The following TRMT11 variants were observed in gnomAD, a reference collection of about 807,000 sequenced individuals.
TRMT11 encodes tRNA methyltransferase 11.
TRMT11 carries 53 observed loss-of-function variants against 62.8 expected under a neutral mutation model. That is an observed-to-expected ratio of 0.84 (90% CI 0.68 to 1.06). The LOEUF is 1.06. Among genes scored for constraint, TRMT11 ranks in the 50% least tolerant of loss-of-function variants. The probability of loss-of-function intolerance (pLI) is 0.00; values close to 1 mark genes in which losing one functional copy is unlikely to be tolerated. For missense variants in TRMT11, 556 were observed against 553.4 expected (o/e 1.00, Z -0.05); for synonymous variants, 188 against 190.3 (o/e 0.99, Z 0.10).
chr6:126,098,060 C>T (rs1777359178), intron 17 of TRMT11, among the ~76,000 whole-genome samples: 1 of 152,012 alleles, frequency 6.6e-6, no homozygotes, highest in South Asian at 2.1e-4. Context: ...CTGGAGTTTC[C>T]CCACTGTTTT....
chr6:125,990,440 G>A (rs1790419690), intron 1 of TRMT11, among the ~76,000 whole-genome samples: 1 of 151,990 alleles, frequency 6.6e-6, no homozygotes. Context: ...TTTCTCCTCT[G>A]GGGGGCCCTT....
intron 9 of TRMT11, 50 bp downstream of exon 9, chr6:126,011,467 C>A: frequency 6.7e-7 from 1 of 1,499,714 alleles, no homozygotes; most frequent in Non-Finnish European, 9.1e-7. Context: ...TTTGTAAAAT[C>A]ATTTACATTT....
intron 7 of TRMT11, chr6:126,007,099 T>C (rs1175719133): frequency 6.6e-6 from 1 of 152,058 alleles, no homozygotes; most frequent in African/African-American, 2.4e-5. Context: ...ATGAGGACTT[T>C]TTAACCTTCC....
intron 21 of TRMT11, among the ~76,000 whole-genome samples, chr6:126,160,832 ATCT>A (rs1218172180): frequency 1.3e-5 from 2 of 152,250 alleles, no homozygotes; most frequent in South Asian, 2.1e-4. Flanking sequence ...CCAAACAATA[ATCT>A]TCTTTTAGGT....
At chr6:126,124,204 T>G (rs1777682471) in intron 21 of TRMT11, among the ~76,000 whole-genome samples, 1 of 152,068 alleles carries the variant, frequency 6.6e-6, no homozygotes, top group African/African-American at 2.4e-5. Flanking sequence ...GTATGCAAAC[T>G]TTCTTATGGG....
intron 1 of TRMT11, among the ~76,000 whole-genome samples, chr6:126,181,480 G>T (rs1427621136): frequency 2.0e-5 from 3 of 151,998 alleles, no homozygotes; most frequent in Non-Finnish European, 2.9e-5. Context: ...TTCAATTTAG[G>T]CCTCTTGGGT....
At chr6:126,066,178 C>T (rs968282387) in intron 17 of TRMT11, among the ~76,000 whole-genome samples, 1 of 152,176 alleles carries the variant, frequency 6.6e-6, no homozygotes, top group African/African-American at 2.4e-5. Context: ...CAAAGCTGAC[C>T]TCTGCCTCCA....
At chr6:126,025,739 T>A (rs781633713) in intron 12 of TRMT11, among the ~76,000 whole-genome samples, 1 of 152,228 alleles carries the variant, frequency 6.6e-6, no homozygotes, top group Non-Finnish European at 1.5e-5. Flanking sequence ...TCAGCATTGT[T>A]GATTTTGGCA....
At chr6:126,221,757 C>T in the TRMT11 span, among the ~76,000 whole-genome samples, 5 of 152,214 alleles carry the variant, frequency 3.3e-5, no homozygotes, top group Admixed American at 2.6e-4. Flanking sequence ...TTGCTGCATA[C>T]TCTGCTGATA....
At chr6:126,133,879 A>AACT (rs1428487317) in intron 21 of TRMT11, among the ~76,000 whole-genome samples, 1 of 151,804 alleles carries the variant, frequency 6.6e-6, no homozygotes, top group Admixed American at 6.6e-5. Context: ...TAATGAAAAG[A>AACT]ACTACCCTTT....
At chr6:126,095,927 T>A (rs1295801353) in intron 17 of TRMT11, among the ~76,000 whole-genome samples, 2 of 152,216 alleles carry the variant, frequency 1.3e-5, no homozygotes, top group East Asian at 3.9e-4. Context: ...CCAGGTTTTG[T>A]GTGATTGGAG....
chr6:126,045,658 G>A (rs1776034718), intron 16 of TRMT11, among the ~76,000 whole-genome samples: 1 of 152,180 alleles, frequency 6.6e-6, no homozygotes, highest in South Asian at 2.1e-4. Flanking sequence ...CAGTTTGCCA[G>A]TTAGCTTCAA....
At chr6:126,183,908 G>A (rs1321893420) in intron 1 of TRMT11, among the ~76,000 whole-genome samples, 1 of 152,172 alleles carries the variant, frequency 6.6e-6, no homozygotes, top group East Asian at 1.9e-4. Context: ...GCGAGTCGCA[G>A]CTCTAGCTGT....
chr6:126,163,716 C>A (rs1207900068), intron 21 of TRMT11, among the ~76,000 whole-genome samples: 1 of 152,066 alleles, frequency 6.6e-6, no homozygotes, highest in Non-Finnish European at 1.5e-5. Context: ...ATTAATTACT[C>A]CCTCAATTTC....
chr6:126,028,112 A>C (rs983149677), intron 12 of TRMT11, among the ~76,000 whole-genome samples: 1 of 152,106 alleles, frequency 6.6e-6, no homozygotes, highest in African/African-American at 2.4e-5. Context: ...TTTCACAGCT[A>C]TTTGAATTAA....
At chr6:126,213,527 C>A in the TRMT11 span, among the ~76,000 whole-genome samples, 3 of 151,836 alleles carry the variant, frequency 2.0e-5, no homozygotes, top group African/African-American at 7.3e-5. Flanking sequence ...GGATTACATT[C>A]TTGATTTATT....
At chr6:126,067,287 A>G (rs1562313602) in intron 17 of TRMT11, among the ~76,000 whole-genome samples, 1 of 152,204 alleles carries the variant, frequency 6.6e-6, no homozygotes, top group Non-Finnish European at 1.5e-5. Flanking sequence ...AACCTCATGT[A>G]ATCACCACTT....
At chr6:126,042,429 CT>C (rs1377644800), downstream of TRMT11, among the ~76,000 whole-genome samples, 3 of 152,110 alleles carry the variant, frequency 2.0e-5, no homozygotes, top group East Asian at 5.8e-4. Context: ...TAATGGCAGT[CT>C]TTTAAGCCTG....
At chr6:126,026,793 GT>G (rs1041615171) in intron 12 of TRMT11, among the ~76,000 whole-genome samples, 1 of 142,392 alleles carries the variant, frequency 7.0e-6, no homozygotes, top group African/African-American at 2.7e-5. Flanking sequence ...GTAGAATGTG[GT>G]TTTTTGGGTT....
Sources: gnomAD v4.1 joint callset for allele counts (sites outside exome capture counted in the v4.1 genomes callset) on GRCh38, gnomAD v4.1.1 for gene constraint, MANE v1.5 for transcripts, NCBI Gene and HGNC (gene_info 2026-07-23, HGNC 2026-07-21) for gene names.